Variants in TGFA observed in about 807,000 individuals in gnomAD.
The protein encoded by TGFA is protransforming growth factor alpha.
Under a neutral mutation model 21.7 loss-of-function variants are expected in TGFA, and 12 were observed. That is an observed-to-expected ratio of 0.55 (90% CI 0.35 to 0.90). The LOEUF (loss-of-function observed/expected upper bound fraction) is 0.90. Ranked by LOEUF, TGFA falls within the 40% of genes least tolerant of loss-of-function variation. The pLI is 0.01. For missense variants in TGFA, 178 were observed against 210.8 expected, an observed-to-expected ratio of 0.84 and a Z score of 0.96; for synonymous variants, 79 against 88.1, an observed-to-expected ratio of 0.90 and a Z score of 0.58.
intron 2 of TGFA, among the ~76,000 whole-genome samples, chr2:70,481,162 A>G (rs1178269592): frequency 3.3e-5 from 5 of 152,198 alleles, no homozygotes; most frequent in African/African-American, 1.2e-4. Context: ...CCTAGTCCAG[A>G]AGTGAAATAT....
chr2:70,451,688 A>G, intron 5 of TGFA: 1 of 682,360 alleles, frequency 1.5e-6, no homozygotes, highest in Non-Finnish European at 2.6e-6. Flanking sequence ...GATTAAAAAC[A>G]TTTTTCTATT....
chr2:70,456,044 A>T (rs1670217626), intron 4 of TGFA, among the ~76,000 whole-genome samples: 1 of 152,224 alleles, frequency 6.6e-6, no homozygotes, highest in African/African-American at 2.4e-5. Flanking sequence ...TGTCATCACT[A>T]TTCTGAAGAC....
chr2:70,464,858 C>T (rs1670503486), intron 3 of TGFA, among the ~76,000 whole-genome samples: 1 of 152,164 alleles, frequency 6.6e-6, no homozygotes, highest in Non-Finnish European at 1.5e-5. Flanking sequence ...GCATGTGAGG[C>T]CTGGAACAAC....
intron 2 of TGFA, among the ~76,000 whole-genome samples, chr2:70,478,596 G>A (rs1671008775): frequency 6.6e-6 from 1 of 151,972 alleles, no homozygotes; most frequent in African/African-American, 2.4e-5. Flanking sequence ...AGTTTTACTG[G>A]CAATGTGTTA....
intron 1 of TGFA, among the ~76,000 whole-genome samples, chr2:70,551,786 A>T (rs371920179): frequency 2.0e-5 from 3 of 152,024 alleles, no homozygotes; most frequent in African/African-American, 7.3e-5. Flanking sequence ...TCAATCTTTT[A>T]AAGTTTATAC....
intron 2 of TGFA, among the ~76,000 whole-genome samples, chr2:70,476,058 C>A (rs1166715021): frequency 8.3e-6 from 1 of 121,084 alleles, no homozygotes; most frequent in Non-Finnish European, 1.6e-5. Flanking sequence ...ATCCCTACTA[C>A]CTTGGTCTTA....
chr2:70,493,624 A>G (rs1433338097), intron 2 of TGFA, among the ~76,000 whole-genome samples: 2 of 152,236 alleles, frequency 1.3e-5, no homozygotes, highest in Non-Finnish European at 2.9e-5. Context: ...AATGCTAACA[A>G]CAGTGTAGCC....
chr2:70,532,443 C>A (rs1382921906), intron 1 of TGFA, among the ~76,000 whole-genome samples: 1 of 152,188 alleles, frequency 6.6e-6, no homozygotes, highest in Non-Finnish European at 1.5e-5. Flanking sequence ...AGCAGGCACG[C>A]TTGGCTTTGC....
chr2:70,458,968 T>C (rs1670328613), intron 3 of TGFA, among the ~76,000 whole-genome samples: 1 of 152,210 alleles, frequency 6.6e-6, no homozygotes. Flanking sequence ...CCAGGAGTTG[T>C]GGACAAGCCA....
chr2:70,454,260 T>C (rs1181457337), intron 4 of TGFA, among the ~76,000 whole-genome samples: 1 of 152,168 alleles, frequency 6.6e-6, no homozygotes, highest in Non-Finnish European at 1.5e-5. Context: ...TGGTGGGCAT[T>C]TCACGATTCC....
At chr2:70,553,139 GTTAA>G in intron 1 of TGFA, 7 of 1,531,082 alleles carry the variant, frequency 4.6e-6, no homozygotes, top group Non-Finnish European at 4.4e-6. Context: ...TCCCAGGGAA[GTTAA>G]TTAAAGGAAC....
chr2:70,515,547 A>C (rs1463515124), intron 1 of TGFA, among the ~76,000 whole-genome samples: 4 of 152,120 alleles, frequency 2.6e-5, no homozygotes, highest in African/African-American at 9.7e-5. Flanking sequence ...ATTCCCAGGA[A>C]GTGGCTGTCC....
At chr2:70,524,695 A>T (rs1672581932) in intron 1 of TGFA, among the ~76,000 whole-genome samples, 1 of 152,240 alleles carries the variant, frequency 6.6e-6, no homozygotes, top group Non-Finnish European at 1.5e-5. Context: ...CCCAGAGTCC[A>T]GGAGGGAGGA....
rs1669958526 is a variant in TGFA at position 70,448,661 on chromosome 2, A to G, written c.*2198T>C. ...TATCCTGAGGCATGGACAATGGTCC[A>G]ACCAGGCTTGCATTGATGCAGCCTC... is the stretch of plus-strand genomic sequence containing the variant. On this transcript the variant is annotated 3_prime_UTR_variant, in exon 6 of 6. Coordinates refer to ENST00000295400, the MANE Select transcript of TGFA (RefSeq NM_003236.4). 1 of 152,258 alleles carries G rather than the reference A, an allele frequency of 6.6e-6. No homozygotes were observed. The highest frequency in any genetic ancestry group is 2.4e-5 in the African/African-American group (1 of 41,468). 9.4% of individuals were successfully genotyped at this position (152,258 alleles called of 1,614,324 possible). A position where few individuals can be genotyped will look rare whatever the true frequency, so the allele number is the denominator to read the frequency against.
At chr2:70,474,272 A>G (rs1670859113) in intron 2 of TGFA, among the ~76,000 whole-genome samples, 1 of 152,274 alleles carries the variant, frequency 6.6e-6, no homozygotes. Flanking sequence ...GTCAATGGAC[A>G]TATAGCTGGA....
chr2:70,548,938 G>C (rs1191073600), intron 1 of TGFA, among the ~76,000 whole-genome samples: 1 of 152,006 alleles, frequency 6.6e-6, no homozygotes, highest in Non-Finnish European at 1.5e-5. Flanking sequence ...ATTTCCTAGG[G>C]GGAAGAAAAG....
At chr2:70,494,329 G>A (rs1671518433) in intron 2 of TGFA, among the ~76,000 whole-genome samples, 1 of 152,168 alleles carries the variant, frequency 6.6e-6, no homozygotes, top group African/African-American at 2.4e-5. Context: ...AGAGTTTCTG[G>A]AGAATATGAG....
At chr2:70,514,827 A>T (rs781993621) in intron 2 of TGFA, 32 bp downstream of exon 2, 1 of 1,610,254 alleles carries the variant, frequency 6.2e-7, no homozygotes, top group South Asian at 1.1e-5. Context: ...CTTCCCACAC[A>T]CGATCCACAC....
At chr2:70,551,263 A>T (rs1211848692) in intron 1 of TGFA, among the ~76,000 whole-genome samples, 3 of 152,236 alleles carry the variant, frequency 2.0e-5, no homozygotes, top group Non-Finnish European at 4.4e-5. Flanking sequence ...TGTAACTGGA[A>T]ATGCCAAGCC....
Sources: allele counts gnomAD v4.1 joint callset (sites outside exome capture counted in the v4.1 genomes callset), GRCh38; gene constraint gnomAD v4.1.1; transcripts MANE v1.5; gene names NCBI Gene and HGNC (gene_info 2026-07-23, HGNC 2026-07-21).